WDR25: variants seen among roughly 807,000 people sequenced by gnomAD.
WDR25 encodes WD repeat domain 25, also known as WD repeat-containing protein 25.
Under a neutral mutation model 47.7 loss-of-function variants are expected in WDR25, and 35 were observed. The observed-to-expected ratio is 0.73, with a 90% CI of 0.56 to 0.97. WDR25 has a LOEUF of 0.97. Among genes scored for constraint, WDR25 ranks in the 50% least tolerant of loss-of-function variants. The pLI is 0.00. For synonymous variants in WDR25, 248 were observed against 278.9 expected (o/e 0.89, Z 1.10); for missense variants, 634 against 704.7 (o/e 0.90, Z 1.14).
intron 2 of WDR25, among the ~76,000 whole-genome samples, chr14:100,416,579 G>A (rs1897875830): frequency 6.6e-6 from 1 of 152,066 alleles, no homozygotes; most frequent in African/African-American, 2.4e-5. Flanking sequence ...TTCAGGCAAA[G>A]TCTTCCTTAT....
chr14:100,482,571 T>G (rs191298579), intron 3 of WDR25, among the ~76,000 whole-genome samples: 7 of 152,286 alleles, frequency 4.6e-5, no homozygotes, highest in African/African-American at 1.7e-4. Flanking sequence ...TTGGAGACCA[T>G]GGATCTAGGC....
At chr14:100,416,689 G>A (rs544790160) in intron 2 of WDR25, among the ~76,000 whole-genome samples, 1 of 152,198 alleles carries the variant, frequency 6.6e-6, no homozygotes, top group Non-Finnish European at 1.5e-5. Flanking sequence ...AGTGTGGCCT[G>A]TGTTGCTGTA....
rs1402560721 is a variant in WDR25 at position 100,381,220 on chromosome 14, C to T, written c.296C>T (p.Pro99Leu). 1 of 1,613,884 alleles carries T rather than the reference C, an allele frequency of 6.2e-7. No individual in the cohort carries two copies. The highest frequency in any genetic ancestry group is 1.3e-5 in the African/African-American group (1 of 74,878). ...TGCCCCAGCCAGAGGCTACAGTGGCCCGGGAAGGAGCCTCAAGTCACCTTC... is the reference window on the plus strand; with the variant it reads ...TGCCCCAGCCAGAGGCTACAGTGGCTCGGGAAGGAGCCTCAAGTCACCTTC... Reference protein sequence around the residue: ...GSCPSQRLQWPGKEPQVTFPI... With the variant: ...GSCPSQRLQWLGKEPQVTFPI... The change falls in exon 2 of 7, where the codon CCC becomes CTC. Residue 99 changes from proline to leucine, a missense_variant. Pro to Leu is a moderately conservative substitution (Grantham distance 98). Coordinates refer to ENST00000402312, the MANE Select transcript of WDR25 (RefSeq NM_001161476.3).
intron 2 of WDR25, among the ~76,000 whole-genome samples, chr14:100,448,899 A>G (rs552616192): frequency 2.0e-4 from 30 of 152,060 alleles, no homozygotes; most frequent in African/African-American, 7.2e-4. Context: ...AGAGAAGAGT[A>G]GGAGCCAACC....
In WDR25 at chr14:100,381,454, C is replaced by A. The variant is rs765703798; in HGVS notation, c.530C>A (p.Thr177Asn). Residue 177 changes from threonine to asparagine, a missense_variant, in exon 2 of 7, where the codon ACT (threonine) becomes AAT (asparagine). By Grantham distance (65) the Thr-to-Asn change is moderately conservative (BLOSUM62 0). Coordinates refer to ENST00000402312, the MANE Select transcript of WDR25 (RefSeq NM_001161476.3). ...KKCEDCVVPY[T>N]PRRLRQRQAL... Reference sequence around the variant, plus strand: ...TGTGAGGACTGTGTGGTACCCTATACTCCCAGAAGACTAAGACAGCGGCAG... The same window carrying A: ...TGTGAGGACTGTGTGGTACCCTATAATCCCAGAAGACTAAGACAGCGGCAG... 2 of 1,614,058 alleles carry A rather than the reference C, an allele frequency of 1.2e-6. No individual in the cohort carries two copies. The highest frequency in any genetic ancestry group is 2.7e-5 in the African/African-American group (2 of 74,922).
intron 2 of WDR25, among the ~76,000 whole-genome samples, chr14:100,390,588 G>A (rs1897122426): frequency 6.6e-6 from 1 of 152,200 alleles, no homozygotes; most frequent in African/African-American, 2.4e-5. Flanking sequence ...TGTCTTCTCT[G>A]GGTGGGCTCT....
chr14:100,515,192 T>C (rs1248410538), intron 4 of WDR25, among the ~76,000 whole-genome samples: 1 of 152,216 alleles, frequency 6.6e-6, no homozygotes, highest in Non-Finnish European at 1.5e-5. Flanking sequence ...AATTTTTCTC[T>C]ATGTTTCTTA....
At chr14:100,451,136 C>T (rs1171486616) in intron 2 of WDR25, among the ~76,000 whole-genome samples, 1 of 152,102 alleles carries the variant, frequency 6.6e-6, no homozygotes, top group Non-Finnish European at 1.5e-5. Context: ...GACGCTTATA[C>T]TAGAGAAAGA....
At chr14:100,439,730 A>G (rs1898611193) in intron 2 of WDR25, among the ~76,000 whole-genome samples, 1 of 152,192 alleles carries the variant, frequency 6.6e-6, no homozygotes, top group Non-Finnish European at 1.5e-5. Context: ...TAACTCTTTG[A>G]ATTGCCATAG....
chr14:100,439,422 A>G (rs1210006831), intron 2 of WDR25, among the ~76,000 whole-genome samples: 6 of 152,238 alleles, frequency 3.9e-5, no homozygotes, highest in Non-Finnish European at 7.3e-5. Flanking sequence ...TCAGCCTGGT[A>G]CAGCACGGCC....
intron 3 of WDR25, among the ~76,000 whole-genome samples, chr14:100,480,272 T>A (rs1900156034): frequency 6.6e-6 from 1 of 152,224 alleles, no homozygotes; most frequent in Non-Finnish European, 1.5e-5. Flanking sequence ...AGCAGCCAGT[T>A]CTTGACAACA....
chr14:100,396,609 A>G (rs980501951), intron 2 of WDR25, among the ~76,000 whole-genome samples: 9 of 152,212 alleles, frequency 5.9e-5, no homozygotes, highest in African/African-American at 2.2e-4. Flanking sequence ...TGGCCTCACA[A>G]AGGCATGTGG....
chr14:100,496,976 C>T (rs973875096), intron 4 of WDR25, among the ~76,000 whole-genome samples: 1 of 152,026 alleles, frequency 6.6e-6, no homozygotes, highest in South Asian at 2.1e-4. Context: ...GCTGGGACTA[C>T]AGGCATGTGC....
chr14:100,457,345 C>T (rs1028349571), intron 2 of WDR25, among the ~76,000 whole-genome samples: 10 of 152,152 alleles, frequency 6.6e-5, no homozygotes, highest in Non-Finnish European at 1.5e-4. Flanking sequence ...GGAGCAAAGA[C>T]GAGAGTGACC....
rs1900973206 is a variant in WDR25, at chr14:100,502,769, C to T, written c.1101+18645C>T. Among the ~76,000 whole-genome samples, 1 of 152,148 alleles carries T rather than the reference C, an allele frequency of 6.6e-6. No individual in the cohort carries two copies. Among genetic ancestry groups the T allele is most frequent in the South Asian group, 2.1e-4 (1 of 4,834 alleles). ...AAGAAGGAGCTAATGATTTTGCTTG[C>T]CACATTGGGAGGCTTGGCTGGCAGA... On this transcript the variant is annotated intron_variant, in intron 4 of 6. Transcript: ENST00000402312. This position sits in a 1 kb window ranked among gnomAD's most constrained non-coding sequence, Gnocchi z 4.5.
intron 2 of WDR25, among the ~76,000 whole-genome samples, chr14:100,434,417 T>C (rs1183617886): frequency 6.6e-6 from 1 of 152,216 alleles, no homozygotes; most frequent in Non-Finnish European, 1.5e-5. Context: ...GTTTCAAAAT[T>C]GCTAACTTCT....
At position 100,407,865 on chromosome 14, in the gene WDR25, G is replaced by A. The variant is rs1897589786; in HGVS notation, c.822+26119G>A. Among the ~76,000 whole-genome samples, 1 of 142,268 alleles carries A rather than the reference G, an allele frequency of 7.0e-6. No homozygotes were observed. The highest frequency in any genetic ancestry group is 3.0e-5 in the African/African-American group (1 of 32,792). 93.3% of individuals were successfully genotyped at this position (142,268 alleles called of 152,430 possible). A position where few individuals can be genotyped will look rare whatever the true frequency, so the allele number is the denominator to read the frequency against. The stretch of plus-strand genomic sequence containing the variant: ...ATTGCCTCTCACGTGTATTGTCTGT[G>A]AGTGTGCTGGGCTCCCAGACACATA... On this transcript the variant is annotated intron_variant, in intron 2 of 6. Coordinates refer to ENST00000402312, the MANE Select transcript of WDR25 (RefSeq NM_001161476.3). The surrounding 1 kb of genome is among the most constrained non-coding windows in gnomAD (Gnocchi z 4.1).
chr14:100,456,573 C>T (rs745917950), intron 2 of WDR25, among the ~76,000 whole-genome samples: 1 of 152,162 alleles, frequency 6.6e-6, no homozygotes, highest in South Asian at 2.1e-4. Flanking sequence ...AAGATCCAAA[C>T]TGGACTTCTA....
chr14:100,449,178 G>A lies in WDR25; in HGVS notation c.823-18843G>A, dbSNP rs1453577561. Among the ~76,000 whole-genome samples, 1 of 152,188 alleles carries A rather than the reference G, an allele frequency of 6.6e-6. No individual in the cohort carries two copies. Among genetic ancestry groups the A allele is most frequent in the Non-Finnish European group, 1.5e-5 (1 of 68,046 alleles). On this transcript the variant is annotated intron_variant, in intron 2 of 6. Coordinates refer to ENST00000402312, the MANE Select transcript of WDR25 (RefSeq NM_001161476.3). The surrounding 1 kb of genome is among the most constrained non-coding windows in gnomAD (Gnocchi z 4.2). ...AGGCTCGGAGAGCATCCTTTACTGG[G>A]CTTCTGGATGGAATTTTTGGAGCAA...
Sources: allele counts gnomAD v4.1 joint callset (sites outside exome capture counted in the v4.1 genomes callset), GRCh38; gene constraint gnomAD v4.1.1; non-coding constraint Gnocchi (gnomAD v3.1); transcripts MANE v1.5; gene names NCBI Gene and HGNC (gene_info 2026-07-23, HGNC 2026-07-21).